DTNA: variants seen among roughly 807,000 people sequenced by gnomAD.
DTNA encodes the protein dystrobrevin alpha, also known as dystrophin-related protein 3.
Under a neutral mutation model 100.7 loss-of-function variants are expected in DTNA, and 43 were observed. The ratio of observed to expected loss-of-function variants is 0.43; its 90% CI spans 0.33 to 0.55. DTNA has a LOEUF of 0.55. Among genes scored for constraint, DTNA ranks in the 20% least tolerant of loss-of-function variants. DTNA has a pLI of 0.04. For missense variants in DTNA, 798 were observed against 953.9 expected (o/e 0.84, Z 2.15); for synonymous variants, 349 against 347.9 (o/e 1.00, Z -0.04).
intron 21 of DTNA, among the ~76,000 whole-genome samples, chr18:34,883,599 C>G (rs912063235): frequency 6.6e-6 from 1 of 152,084 alleles, no homozygotes; most frequent in East Asian, 1.9e-4. Flanking sequence ...CATAAGCCAC[C>G]ATACCCAGGC....
chr18:34,670,138 T>C (rs2076539882), intron 1 of DTNA, among the ~76,000 whole-genome samples: 1 of 152,218 alleles, frequency 6.6e-6, no homozygotes, highest in Non-Finnish European at 1.5e-5. Context: ...TTTTATGCTT[T>C]TTTCTCTAAA....
intron 3 of DTNA, among the ~76,000 whole-genome samples, chr18:34,775,733 T>A (rs2094012010): frequency 6.6e-6 from 1 of 152,032 alleles, no homozygotes; most frequent in Non-Finnish European, 1.5e-5. Context: ...CTTGAAAGTA[T>A]TTTTTTTCCT....
intron 3 of DTNA, among the ~76,000 whole-genome samples, chr18:34,785,964 G>A (rs544919830): frequency 1.1e-4 from 17 of 152,290 alleles, no homozygotes; most frequent in South Asian, 6.2e-4. Context: ...GAGCAGCTTA[G>A]GGTAATGAGT....
intron 1 of DTNA, among the ~76,000 whole-genome samples, chr18:34,670,250 C>T (rs531417794): frequency 1.1e-4 from 16 of 152,302 alleles, no homozygotes; most frequent in Admixed American, 6.5e-4. Flanking sequence ...ACGTAGTTCT[C>T]GTGCCATGGT....
chr18:34,801,083 G>C lies in DTNA; in HGVS notation c.363-5136G>C, dbSNP rs567170461. Among the ~76,000 whole-genome samples the C allele has an allele frequency of 5.9e-5, 9 of 152,264 alleles. No homozygotes were observed. In the South Asian group the frequency reaches 1.7e-3, roughly 28 times the overall value. On this transcript the variant is annotated intron_variant, in intron 4 of 22. Transcript: ENST00000444659. ...TATATATATTTTAACCAAAGGGTAA[G>C]TGCCTTCCTCTTTCCATTTTCAATC...
At chr18:34,601,700 C>T (rs1280202460) in intron 1 of DTNA, among the ~76,000 whole-genome samples, 2 of 152,322 alleles carry the variant, frequency 1.3e-5, no homozygotes, top group African/African-American at 4.8e-5. Flanking sequence ...CATCTTTTGG[C>T]TCTTATCTCC....
At chr18:34,497,725 A>G (rs928938771) in intron 1 of DTNA, among the ~76,000 whole-genome samples, 11 of 152,250 alleles carry the variant, frequency 7.2e-5, no homozygotes, top group Admixed American at 5.2e-4. Flanking sequence ...CCTTTATATG[A>G]ATACTTTTTG....
chr18:34,807,997 A>G (rs981571180), intron 5 of DTNA, among the ~76,000 whole-genome samples: 41 of 152,014 alleles, frequency 2.7e-4, no homozygotes, highest in Non-Finnish European at 5.7e-4. Flanking sequence ...TTGTCTGCCA[A>G]CCCCAACTGG....
At chr18:34,645,036 T>G (rs1484715453) in intron 1 of DTNA, among the ~76,000 whole-genome samples, 1 of 152,134 alleles carries the variant, frequency 6.6e-6, no homozygotes, top group East Asian at 1.9e-4. Context: ...TTAATAATGA[T>G]CGTAATGATC....
At chr18:34,560,332 T>G (rs1272565399) in intron 1 of DTNA, among the ~76,000 whole-genome samples, 1 of 152,234 alleles carries the variant, frequency 6.6e-6, no homozygotes, top group African/African-American at 2.4e-5. Flanking sequence ...ATTTGTTGAA[T>G]AATTGAATGA....
Position 34,716,478 on chromosome 18 carries a change from G to A in DTNA, c.-2+6033G>A, listed in dbSNP as rs1042293130. Among the ~76,000 whole-genome samples, 4 of 152,130 alleles carry A rather than the reference G, an allele frequency of 2.6e-5. No homozygotes were observed. In the South Asian group the frequency reaches 6.2e-4, roughly 24 times the overall value. On this transcript the variant is annotated intron_variant, in intron 1 of 22. Transcript: ENST00000444659. The stretch of plus-strand genomic sequence containing the variant: ...CTTGTGAGGCTGAGGCAAGAGAATC[G>A]CTTGAACCCAGGAGGCGGAGGTTGC...
chr18:34,737,642 G>A (rs756071187), intron 1 of DTNA, among the ~76,000 whole-genome samples: 1 of 152,098 alleles, frequency 6.6e-6, no homozygotes, highest in Non-Finnish European at 1.5e-5. Flanking sequence ...GTCTTTAGTC[G>A]CTCTCCCTCT....
At chr18:34,833,855 G>T (rs1018570551) in intron 11 of DTNA, among the ~76,000 whole-genome samples, 16 of 152,196 alleles carry the variant, frequency 1.1e-4, no homozygotes, top group African/African-American at 3.6e-4. Flanking sequence ...AATGCATTCT[G>T]ATTTGAAGAC....
At chr18:34,600,729 C>T (rs1230205287) in intron 1 of DTNA, among the ~76,000 whole-genome samples, 1 of 152,188 alleles carries the variant, frequency 6.6e-6, no homozygotes, top group Non-Finnish European at 1.5e-5. Flanking sequence ...ATTTATTTTA[C>T]ATATGATAAA....
intron 10 of DTNA, among the ~76,000 whole-genome samples, chr18:34,828,579 C>T (rs2095917313): frequency 6.6e-6 from 1 of 152,170 alleles, no homozygotes; most frequent in South Asian, 2.1e-4. Flanking sequence ...GATTTGAAGA[C>T]AATGAGACTA....
chr18:34,627,491 A>G (rs1342833886), intron 1 of DTNA, among the ~76,000 whole-genome samples: 2 of 152,150 alleles, frequency 1.3e-5, no homozygotes, highest in Admixed American at 1.3e-4. Flanking sequence ...CTCCCAGCCA[A>G]TGCCCACATA....
chr18:34,545,232 C>A (rs866962516), intron 1 of DTNA, among the ~76,000 whole-genome samples: 1 of 151,980 alleles, frequency 6.6e-6, no homozygotes, highest in South Asian at 2.1e-4. Flanking sequence ...ACGTGAGATG[C>A]CCTGCAGTCT....
At chr18:34,629,130 T>A (rs1233857077) in intron 1 of DTNA, among the ~76,000 whole-genome samples, 1 of 152,206 alleles carries the variant, frequency 6.6e-6, no homozygotes, top group Non-Finnish European at 1.5e-5. Flanking sequence ...ACAAGCTCTT[T>A]TATTTTCTTT....
chr18:34,716,436 G>A lies in DTNA; in HGVS notation c.-2+5991G>A, dbSNP rs544616106. Among the ~76,000 whole-genome samples the A allele has an allele frequency of 1.1e-3, 172 of 152,168 alleles. 1 individual carries two copies. The highest frequency in any genetic ancestry group is 3.9e-3 in the African/African-American group (161 of 41,530). On this transcript the variant is annotated intron_variant, in intron 1 of 22. Coordinates refer to ENST00000444659, the MANE Select transcript of DTNA (RefSeq NM_001386795.1). ...AAATTAGCTGGGCGTGGTGGCAGGC[G>A]CCTGTAATCCCAGCTACTTGTGAGG...
Sources: allele counts gnomAD v4.1 joint callset (sites outside exome capture counted in the v4.1 genomes callset), GRCh38; gene constraint gnomAD v4.1.1; transcripts MANE v1.5; gene names NCBI Gene and HGNC (gene_info 2026-07-23, HGNC 2026-07-21).